RPL22: variants seen among roughly 807,000 people sequenced by gnomAD.
RPL22 encodes ribosomal protein L22.
RPL22 carries 4 observed loss-of-function variants against 16.2 expected under a neutral mutation model. The observed-to-expected ratio is 0.25, with a 90% CI of 0.12 to 0.57. The LOEUF (loss-of-function observed/expected upper bound fraction) is 0.57, where lower values mean the gene tolerates loss of function less well. Among genes scored for constraint, RPL22 ranks in the 20% least tolerant of loss-of-function variants. The probability of loss-of-function intolerance (pLI) is 0.92; values close to 1 mark genes in which losing one functional copy is unlikely to be tolerated. For synonymous variants in RPL22, 43 were observed against 54.8 expected, an observed-to-expected ratio of 0.78 and a Z score of 0.95; for missense variants, 83 against 156.1, an observed-to-expected ratio of 0.53 and a Z score of 2.49.
intron 3 of RPL22, among the ~76,000 whole-genome samples, chr1:6,190,627 C>G (rs1667637783): frequency 6.6e-6 from 1 of 152,170 alleles, no homozygotes; most frequent in African/African-American, 2.4e-5. Context: ...GATCCTCTGA[C>G]CTCGGCCTCC....
In RPL22 at chr1:6,193,003, C is replaced by G. The variant is rs762794415; in HGVS notation, c.169G>C (p.Gly57Arg). 6.2e-7 allele frequency: 1 copy of G among 1,614,176 alleles called. No individual in the cohort carries two copies. Among genetic ancestry groups the G allele is most frequent in the Non-Finnish European group, 8.5e-7 (1 of 1,179,996 alleles). ...IKVNGKAGNL[G>R]GGVVTIERSK... ...CTTTCGATGGTCACCACCCCTCCAC[C>G]AAGGTTCCCAGCTTTTCCGTTCACT... Residue 57 changes from glycine (G) to arginine (R), a missense_variant, in exon 3 of 4, where the codon GGT (glycine) becomes CGT (arginine). Physicochemically the swap from Gly to Arg is moderately radical, Grantham distance 125. Coordinates refer to ENST00000234875, the MANE Select transcript of RPL22 (RefSeq NM_000983.4).
chr1:6,189,207 T>C (rs1667618628), intron 3 of RPL22, among the ~76,000 whole-genome samples: 1 of 151,854 alleles, frequency 6.6e-6, no homozygotes, highest in Non-Finnish European at 1.5e-5. Flanking sequence ...AACAAAGCAA[T>C]CTCCACACCA....
intron 2 of RPL22, 115 bp from the exon 3 acceptor site, chr1:6,193,169 A>T: frequency 7.8e-7 from 1 of 1,289,400 alleles, no homozygotes; most frequent in Non-Finnish European, 1.1e-6. Context: ...TTTTGGAGAC[A>T]GAGTCTCACC....
intron 3 of RPL22, among the ~76,000 whole-genome samples, chr1:6,187,169 G>A (rs564001275): frequency 7.2e-5 from 11 of 152,164 alleles, no homozygotes; most frequent in East Asian, 5.8e-4. Flanking sequence ...TTAGCTGGGC[G>A]TGGTGGTGCA....
intron 2 of RPL22, among the ~76,000 whole-genome samples, chr1:6,196,773 A>G (rs1281429521): frequency 6.6e-6 from 1 of 152,098 alleles, no homozygotes; most frequent in African/African-American, 2.4e-5. Context: ...AGCACAGAGC[A>G]AGATCTGAAG....
At chr1:6,193,608 C>T (rs996736841) in intron 2 of RPL22, among the ~76,000 whole-genome samples, 1 of 151,896 alleles carries the variant, frequency 6.6e-6, no homozygotes, top group Non-Finnish European at 1.5e-5. Flanking sequence ...CAGGCGTGAG[C>T]CACTGCGCCT....
At chr1:6,197,011 T>C (rs1390706537) in intron 2 of RPL22, among the ~76,000 whole-genome samples, 1 of 151,934 alleles carries the variant, frequency 6.6e-6, no homozygotes, top group Non-Finnish European at 1.5e-5. Context: ...CCAGTGAAAT[T>C]TGTCTGTTTC....
chr1:6,186,894 A>T, intron 3 of RPL22, 78 bp from the exon 4 acceptor site: 2 of 1,583,114 alleles, frequency 1.3e-6, no homozygotes, highest in Non-Finnish European at 1.7e-6. Context: ...TATAAAACCC[A>T]GCACTCAAAA....
In RPL22 at chr1:6,196,663, C is replaced by T. The variant is rs190127334; in HGVS notation, c.117+989G>A. Among the ~76,000 whole-genome samples the T allele has an allele frequency of 8.5e-5, 13 of 152,086 alleles. No individual in the cohort carries two copies. The East Asian group carries it at 2.3e-3, about 27-fold the overall frequency. On this transcript the variant is annotated intron_variant, in intron 2 of 3. Transcript: ENST00000234875. ...AAAAGAATAAAATGTCAAAACCAAA[C>T]TGCTGAGTCAAAATGTGGCGGAAGG... is the stretch of plus-strand genomic sequence containing the variant.
chr1:6,192,318 A>T (rs1407501709), intron 3 of RPL22, among the ~76,000 whole-genome samples: 3 of 152,202 alleles, frequency 2.0e-5, no homozygotes, highest in Non-Finnish European at 4.4e-5. Flanking sequence ...AAGTGCTGGG[A>T]TTACAAGCAT....
At chr1:6,195,311 GAC>G (rs1254311532) in intron 2 of RPL22, among the ~76,000 whole-genome samples, 3 of 149,854 alleles carry the variant, frequency 2.0e-5, no homozygotes, top group Non-Finnish European at 4.4e-5. Context: ...CGGGCATAGT[GAC>G]AGACACCTGT....
chr1:6,191,359 C>CAAAAAAAAAA (rs769446432), intron 3 of RPL22, among the ~76,000 whole-genome samples: 1 of 32,422 alleles, frequency 3.1e-5, no homozygotes, highest in South Asian at 1.5e-3. Context: ...GACTCCGTCT[C>CAAAAAAAAAA]AAAAAAAAAA....
At chr1:6,198,054 T>G in intron 1 of RPL22, 1 of 336,786 alleles carries the variant, frequency 3.0e-6, no homozygotes, top group East Asian at 4.7e-5. Flanking sequence ...GGCATGAAGG[T>G]CTCTTAGTTT....
intron 1 of RPL22, chr1:6,198,494 T>A (rs1667749598): frequency 1.3e-5 from 2 of 152,264 alleles, no homozygotes; most frequent in Admixed American, 1.3e-4. Context: ...TAATCTTATC[T>A]CTCTACAAAC....
intron 2 of RPL22, among the ~76,000 whole-genome samples, chr1:6,195,012 C>T (rs1456080253): frequency 6.6e-6 from 1 of 151,996 alleles, no homozygotes; most frequent in Non-Finnish European, 1.5e-5. Flanking sequence ...GTGGCGGGCG[C>T]CTGTTTCCCA....
intron 3 of RPL22, among the ~76,000 whole-genome samples, chr1:6,187,340 G>A (rs1667594849): frequency 6.6e-6 from 1 of 151,272 alleles, no homozygotes; most frequent in Non-Finnish European, 1.5e-5. Context: ...CTAGGCCAGG[G>A]GCACTGGCTC....
chr1:6,185,851 A>T lies in RPL22; in HGVS notation c.*821T>A. ...GCACCTCCCACCTCCTTGGCATGGG[A>T]GGCTTCCCAGTCACTCCTCCTTCGT... On this transcript the variant is annotated 3_prime_UTR_variant, in exon 4 of 4. Transcript: ENST00000234875. The T allele has an allele frequency of 4.3e-6, 1 of 230,734 alleles. No homozygotes were observed. Among genetic ancestry groups the T allele is most frequent in the Non-Finnish European group, 8.6e-6 (1 of 116,538 alleles). 14.3% of individuals were successfully genotyped at this position (230,734 alleles called of 1,614,324 possible).
chr1:6,197,061 G>A (rs918031943), intron 2 of RPL22, among the ~76,000 whole-genome samples: 2 of 152,124 alleles, frequency 1.3e-5, no homozygotes, highest in East Asian at 1.9e-4. Context: ...ACGGAGTCTC[G>A]CACTATCTCC....
At chr1:6,194,814 TGA>T (rs1667694384) in intron 2 of RPL22, among the ~76,000 whole-genome samples, 1 of 151,984 alleles carries the variant, frequency 6.6e-6, no homozygotes, top group Admixed American at 6.6e-5. Flanking sequence ...CTTGGGCCTA[TGA>T]GGTTGAGGCT....
Sources: gnomAD v4.1 joint callset for allele counts (sites outside exome capture counted in the v4.1 genomes callset) on GRCh38, gnomAD v4.1.1 for gene constraint, MANE v1.5 for transcripts, NCBI Gene and HGNC (gene_info 2026-07-23, HGNC 2026-07-21) for gene names.